SARAF: variants seen among roughly 807,000 people sequenced by gnomAD.
SARAF encodes store-operated calcium entry associated regulatory factor, also known as store-operated calcium entry-associated regulatory factor.
In SARAF, 23 loss-of-function variants were observed where a neutral mutation model predicts 39.7. The ratio of observed to expected loss-of-function variants is 0.58; its 90% confidence interval spans 0.42 to 0.82. The LOEUF is 0.82. Among genes scored for constraint, SARAF ranks in the 40% least tolerant of loss-of-function variants. The pLI is 0.00. For missense variants in SARAF, 384 were observed against 418.5 expected, an observed-to-expected ratio of 0.92 and a Z score of 0.72; for synonymous variants, 175 against 168.5, an observed-to-expected ratio of 1.04 and a Z score of -0.30.
At chr8:30,066,960 T>C (rs769966338) in intron 3 of SARAF, 42 bp from the exon 4 acceptor site, 16 of 1,542,692 alleles carry the variant, frequency 1.0e-5, no homozygotes, top group South Asian at 2.3e-5. Flanking sequence ...CACTTAAACA[T>C]GACAGTCTAC....
chr8:30,073,704 T>G (rs1801895321), intron 2 of SARAF, 173 bp downstream of exon 2: 1 of 522,054 alleles, frequency 1.9e-6, no homozygotes. Context: ...TAAAATCAGT[T>G]CATTTCTTTT....
chr8:30,077,079 T>C (rs1801984337), intron 1 of SARAF, among the ~76,000 whole-genome samples: 1 of 152,162 alleles, frequency 6.6e-6, no homozygotes, highest in Non-Finnish European at 1.5e-5. Context: ...AAGACTGCGT[T>C]AATAAAACAA....
At chr8:30,067,328 T>C (rs773463597) in intron 3 of SARAF, among the ~76,000 whole-genome samples, 1 of 152,222 alleles carries the variant, frequency 6.6e-6, no homozygotes, top group Non-Finnish European at 1.5e-5. Context: ...CAGATATTTA[T>C]TTGTGTCAGT....
Position 30,064,549 on chromosome 8 carries a change from A to ATTT in SARAF, c.995-637_995-636insAAA, listed in dbSNP as rs1285474401. On this transcript the variant is annotated intron_variant, in intron 5 of 5. Coordinates refer to ENST00000256255, the MANE Select transcript of SARAF (RefSeq NM_016127.6). ...CTTACCTAGCCATATATATATATAT[A>ATTT]TATATATATATATTTTTTTTTTTTT... Among the ~76,000 whole-genome samples, 378 of 43,786 alleles carry ATTT rather than the reference A, an allele frequency of 8.6e-3. 26 individuals carry two copies. Among genetic ancestry groups the ATTT allele is most frequent in the Middle Eastern group, 0.032 (2 of 62 alleles). 28.7% of individuals were successfully genotyped at this position (43,786 alleles called of 152,430 possible). A position where few individuals can be genotyped will look rare whatever the true frequency, so the allele number is the denominator to read the frequency against.
At chr8:30,069,435 C>T (rs569567073) in intron 3 of SARAF, among the ~76,000 whole-genome samples, 13 of 152,156 alleles carry the variant, frequency 8.5e-5, no homozygotes, top group South Asian at 4.2e-4. Flanking sequence ...CCACCGCGCC[C>T]GGCCAATCAG....
intron 1 of SARAF, among the ~76,000 whole-genome samples, chr8:30,078,721 T>TAG (rs1262674809): frequency 3.0e-4 from 45 of 152,058 alleles, no homozygotes; most frequent in African/African-American, 7.0e-4. Context: ...AAAAAATATA[T>TAG]ATAGAGAGAG....
intron 5 of SARAF, among the ~76,000 whole-genome samples, chr8:30,065,449 TTTC>T (rs1374692992): frequency 1.3e-5 from 2 of 152,168 alleles, no homozygotes; most frequent in East Asian, 3.8e-4. Flanking sequence ...ATAACTTCCT[TTTC>T]CTGAAAGACA....
intron 5 of SARAF, among the ~76,000 whole-genome samples, chr8:30,064,559 A>ATTTTTTTT (rs1240248914): frequency 1.0e-3 from 52 of 50,002 alleles, no homozygotes; most frequent in Admixed American, 1.9e-3. Context: ...ATATATATAT[A>ATTTTTTTT]TATTTTTTTT....
chr8:30,064,863 T>A (rs1195735338), intron 5 of SARAF, among the ~76,000 whole-genome samples: 1 of 151,870 alleles, frequency 6.6e-6, no homozygotes, highest in East Asian at 1.9e-4. Context: ...GTGCCTGGCC[T>A]TACCTAGTCA....
intron 4 of SARAF, 100 bp from the exon 5 acceptor site, chr8:30,066,239 A>T (rs1046657589): frequency 8.0e-7 from 1 of 1,248,824 alleles, no homozygotes; most frequent in African/African-American, 1.5e-5. Flanking sequence ...ATCTTTATCA[A>T]GTATTTTTTC....
At chr8:30,064,553 A>ATTTTT (rs1213352789) in intron 5 of SARAF, among the ~76,000 whole-genome samples, 31 of 47,670 alleles carry the variant, frequency 6.5e-4, no homozygotes, top group East Asian at 1.7e-3. Flanking sequence ...ATATATATAT[A>ATTTTT]TATATATATT....
At chr8:30,081,554 C>T (rs1377587275) in intron 1 of SARAF, among the ~76,000 whole-genome samples, 1 of 152,232 alleles carries the variant, frequency 6.6e-6, no homozygotes, top group African/African-American at 2.4e-5. Flanking sequence ...GACTACTCAA[C>T]GTGATGTGCT....
chr8:30,064,561 A>ATATATATATATATTTTTTTTTTTTTT (rs1423689069), intron 5 of SARAF, among the ~76,000 whole-genome samples: 1 of 46,228 alleles, frequency 2.2e-5, no homozygotes, highest in Non-Finnish European at 3.4e-5. Flanking sequence ...ATATATATAT[A>ATATATATATATATTTTTTTTTTTTTT]TTTTTTTTTT....
chr8:30,067,156 T>C (rs1801709440), intron 3 of SARAF: 1 of 483,032 alleles, frequency 2.1e-6, no homozygotes, highest in Non-Finnish European at 3.7e-6. Context: ...GGGAGGGTCT[T>C]GCTATAAAAT....
chr8:30,067,046 TAAC>T, intron 3 of SARAF, 128 bp from the exon 4 acceptor site: 3 of 956,574 alleles, frequency 3.1e-6, no homozygotes, highest in Non-Finnish European at 4.7e-6. Context: ...ATCAAGTTAT[TAAC>T]AAGTTGTATT....
At chr8:30,075,327 T>C (rs1375845835) in intron 1 of SARAF, among the ~76,000 whole-genome samples, 2 of 151,826 alleles carry the variant, frequency 1.3e-5, no homozygotes, top group Non-Finnish European at 2.9e-5. Context: ...TGAATTTCTA[T>C]GCATTATTGG....
At chr8:30,082,590 C>G (rs970420930) in intron 1 of SARAF, among the ~76,000 whole-genome samples, 5 of 152,192 alleles carry the variant, frequency 3.3e-5, no homozygotes, top group Non-Finnish European at 5.9e-5. Flanking sequence ...TCCGGGAGTC[C>G]GGGGCAGGGA....
chr8:30,076,704 GT>G (rs1801974223), intron 1 of SARAF, among the ~76,000 whole-genome samples: 1 of 152,290 alleles, frequency 6.6e-6, no homozygotes, highest in East Asian at 1.9e-4. Context: ...GCAGGACTGG[GT>G]TAGTTATCGC....
At position 30,083,055 on chromosome 8, in the gene SARAF, C is replaced by G. The variant is rs1802149075; in HGVS notation, c.-106G>C. ...GCTACACCGCTACCCCTGGCGGCGG[C>G]GAAGGAACGGCCCGACTGCAGAGCT... On this transcript the variant is annotated 5_prime_UTR_variant, in exon 1 of 6. Transcript: ENST00000256255. The G allele has an allele frequency of 1.2e-5, 10 of 814,672 alleles. No individual in the cohort carries two copies. The highest frequency in any genetic ancestry group is 7.4e-6 in the Non-Finnish European group (4 of 540,790). The allele number at this position is 814,672 out of a possible 1,614,324, so 50.5% of individuals were successfully genotyped here. A position where few individuals can be genotyped will look rare whatever the true frequency, so the allele number is the denominator to read the frequency against.
Sources: gnomAD v4.1 joint callset for allele counts (sites outside exome capture counted in the v4.1 genomes callset) on GRCh38, gnomAD v4.1.1 for gene constraint, MANE v1.5 for transcripts, NCBI Gene and HGNC (gene_info 2026-07-23, HGNC 2026-07-21) for gene names.